The following SLC25A48 variants were observed in gnomAD, a reference collection of about 807,000 sequenced individuals.
SLC25A48 encodes solute carrier family 25 member 48.
Under a neutral mutation model 32.2 loss-of-function variants are expected in SLC25A48, and 29 were observed. The ratio of observed to expected loss-of-function variants is 0.90; its 90% confidence interval spans 0.67 to 1.23. SLC25A48 has a LOEUF of 1.23. Among genes scored for constraint, SLC25A48 ranks in the 50% most tolerant of loss-of-function variants. SLC25A48 has a pLI of 0.00. For missense variants in SLC25A48, 399 were observed against 422.7 expected, an observed-to-expected ratio of 0.94 and a Z score of 0.49; for synonymous variants, 164 against 172.3, an observed-to-expected ratio of 0.95 and a Z score of 0.38.
intron 3 of SLC25A48, among the ~76,000 whole-genome samples, chr5:135,804,164 A>G (rs1487327147): frequency 6.6e-6 from 1 of 151,496 alleles, no homozygotes; most frequent in Non-Finnish European, 1.5e-5. Flanking sequence ...GTCCACAGAC[A>G]GGGTACACCT....
chr5:135,608,541 G>A (rs1398139156), intron 1 of SLC25A48, among the ~76,000 whole-genome samples: 1 of 152,228 alleles, frequency 6.6e-6, no homozygotes, highest in Non-Finnish European at 1.5e-5. Flanking sequence ...TGGAGGAAGG[G>A]CAGATTTCTA....
At chr5:135,615,521 C>T (rs1752165649) in intron 1 of SLC25A48, among the ~76,000 whole-genome samples, 1 of 152,136 alleles carries the variant, frequency 6.6e-6, no homozygotes. Context: ...TAAGATATGG[C>T]CTGGCTACTT....
At chr5:135,624,145 GT>G (rs1561763052) in intron 1 of SLC25A48, among the ~76,000 whole-genome samples, 2 of 152,150 alleles carry the variant, frequency 1.3e-5, no homozygotes, top group Non-Finnish European at 2.9e-5. Flanking sequence ...TCTGATCACC[GT>G]TACCTCCTTA....
chr5:135,703,537 AC>A (rs566974823), intron 3 of SLC25A48, among the ~76,000 whole-genome samples: 71 of 152,196 alleles, frequency 4.7e-4, no homozygotes, highest in Non-Finnish European at 9.1e-4. Context: ...CTGGCATCCT[AC>A]CACCCACAGT....
chr5:135,701,110 T>C (rs1020083420), intron 3 of SLC25A48, among the ~76,000 whole-genome samples: 1 of 152,122 alleles, frequency 6.6e-6, no homozygotes, highest in Non-Finnish European at 1.5e-5. Context: ...GTTCCAGTAG[T>C]AATGGGCCGA....
intron 3 of SLC25A48, among the ~76,000 whole-genome samples, chr5:135,788,470 G>T (rs1756914538): frequency 6.6e-6 from 1 of 151,448 alleles, no homozygotes; most frequent in African/African-American, 2.4e-5. Context: ...TATTCGTGGG[G>T]GGAGAGGGTG....
intron 3 of SLC25A48, among the ~76,000 whole-genome samples, chr5:135,794,475 A>G (rs1480977902): frequency 1.3e-5 from 2 of 151,724 alleles, no homozygotes; most frequent in Admixed American, 6.6e-5. Context: ...GGAAGAGGAT[A>G]ATATTACTTT....
intron 3 of SLC25A48, among the ~76,000 whole-genome samples, chr5:135,672,851 C>T (rs75653787): frequency 0.015 from 2,224 of 152,248 alleles, 23 homozygotes; most frequent in South Asian, 0.024. Context: ...ACAGATTGCT[C>T]AGGCCCTTGT....
At chr5:135,580,444 C>T (rs1751206182) in intron 1 of SLC25A48, among the ~76,000 whole-genome samples, 2 of 152,196 alleles carry the variant, frequency 1.3e-5, no homozygotes, top group South Asian at 2.1e-4. Flanking sequence ...CAGAGGGCTT[C>T]TGGATGATGG....
At chr5:135,796,475 G>A (rs1757182976) in intron 3 of SLC25A48, among the ~76,000 whole-genome samples, 1 of 151,540 alleles carries the variant, frequency 6.6e-6, no homozygotes, top group Non-Finnish European at 1.5e-5. Context: ...CCCAGGGAGT[G>A]TACACACCCC....
chr5:135,645,230 C>A (rs1752932045), intron 3 of SLC25A48, among the ~76,000 whole-genome samples: 1 of 152,220 alleles, frequency 6.6e-6, no homozygotes, highest in Non-Finnish European at 1.5e-5. Flanking sequence ...GGAGCCACAG[C>A]TGGTTTCCTC....
intron 4 of SLC25A48, among the ~76,000 whole-genome samples, chr5:135,824,006 CAGACAGATA>C (rs1345098318): frequency 1.3e-5 from 2 of 152,100 alleles, no homozygotes; most frequent in African/African-American, 2.4e-5. Flanking sequence ...CGAGAGGCAC[CAGACAGATA>C]AGACAGATAA....
chr5:135,747,000 G>GTT (rs1036044373), intron 3 of SLC25A48, among the ~76,000 whole-genome samples: 2 of 145,808 alleles, frequency 1.4e-5, no homozygotes, highest in African/African-American at 2.5e-5. Flanking sequence ...TTTTGTTGTT[G>GTT]TTTTTTTTTC....
At position 135,883,984 on chromosome 5, in the gene SLC25A48, T is replaced by C. The variant is rs535392026; in HGVS notation, c.*7+3887T>C. On this transcript the variant is annotated intron_variant, in intron 7 of 7. Coordinates refer to ENST00000681962, the MANE Select transcript of SLC25A48 (RefSeq NM_001349336.2). ...GCATTCCTAGTCAATCATAGAGCCC[T>C]TTCTTGATGAGCTGAGTGGCGCCTC... Among the ~76,000 whole-genome samples the C allele has an allele frequency of 3.3e-5, 5 of 152,288 alleles. 1 individual carries two copies. The South Asian group carries it at 1.0e-3, about 32-fold the overall frequency.
At chr5:135,730,929 G>A (rs1194062278) in intron 3 of SLC25A48, among the ~76,000 whole-genome samples, 1 of 152,186 alleles carries the variant, frequency 6.6e-6, no homozygotes, top group African/African-American at 2.4e-5. Flanking sequence ...ACAGAGCTGG[G>A]ACATAAACTG....
At chr5:135,832,167 T>C (rs1449220244), upstream of SLC25A48, among the ~76,000 whole-genome samples, 1 of 152,092 alleles carries the variant, frequency 6.6e-6, no homozygotes, top group East Asian at 1.9e-4. Context: ...TAGAGGGATG[T>C]CTGGACTCTG....
intron 3 of SLC25A48, among the ~76,000 whole-genome samples, chr5:135,755,646 T>G (rs1182837180): frequency 1.1e-4 from 16 of 152,066 alleles, no homozygotes; most frequent in Non-Finnish European, 2.9e-5. Flanking sequence ...GTGATATTTA[T>G]CATATCTAAT....
chr5:135,764,104 G>A (rs971287238), intron 3 of SLC25A48, among the ~76,000 whole-genome samples: 1 of 152,074 alleles, frequency 6.6e-6, no homozygotes, highest in Admixed American at 6.5e-5. Flanking sequence ...ATCGCAAGGG[G>A]TGTACACCCC....
At chr5:135,603,566 G>C (rs1033475594) in intron 1 of SLC25A48, among the ~76,000 whole-genome samples, 2 of 152,136 alleles carry the variant, frequency 1.3e-5, no homozygotes, top group Non-Finnish European at 2.9e-5. Context: ...GTCTGGTGGT[G>C]GGGGGGTGCG....
Sources: gnomAD v4.1 joint callset for allele counts (sites outside exome capture counted in the v4.1 genomes callset) on GRCh38, gnomAD v4.1.1 for gene constraint, MANE v1.5 for transcripts, NCBI Gene and HGNC (gene_info 2026-07-23, HGNC 2026-07-21) for gene names.